The following DMRT1 variants were observed in gnomAD, a reference collection of about 807,000 sequenced individuals.
DMRT1 encodes the protein doublesex and mab-3 related transcription factor 1, also known as doublesex- and mab-3-related transcription factor 1.
In DMRT1, 7 loss-of-function variants were observed where a neutral mutation model predicts 32.3. That is an observed-to-expected ratio of 0.22 (90% CI 0.12 to 0.41). The LOEUF is 0.41. Among genes scored for constraint, DMRT1 ranks in the 10% least tolerant of loss-of-function variants. The pLI, the probability that DMRT1 is intolerant of heterozygous loss-of-function variation, is 1.00. For synonymous variants in DMRT1, 278 were observed against 206.1 expected (o/e 1.35, Z -2.99); for missense variants, 625 against 500.5 (o/e 1.25, Z -2.37).
At chr9:844,719 CTTTTTT>C (rs35980858) in intron 1 of DMRT1, among the ~76,000 whole-genome samples, 1 of 116,894 alleles carries the variant, frequency 8.6e-6, no homozygotes, top group Non-Finnish European at 1.7e-5. Flanking sequence ...TTCTTTCTTT[CTTTTTT>C]TTTTTTTTTT....
At chr9:911,596 G>A (rs1450228931) in intron 3 of DMRT1, among the ~76,000 whole-genome samples, 7 of 142,534 alleles carry the variant, frequency 4.9e-5, no homozygotes, top group Middle Eastern at 4.0e-3. Flanking sequence ...GGGTTCAAGC[G>A]ATTCTCCTGC....
chr9:925,753 T>G (rs1025010405), intron 4 of DMRT1, among the ~76,000 whole-genome samples: 1 of 152,204 alleles, frequency 6.6e-6, no homozygotes, highest in South Asian at 2.1e-4. Context: ...TTTAATTATC[T>G]GGATAATGCT....
intron 4 of DMRT1, among the ~76,000 whole-genome samples, chr9:921,670 C>T (rs66623287): frequency 0.21 from 32,009 of 152,032 alleles, 4,715 homozygotes; most frequent in African/African-American, 0.42. Context: ...TTTAAAAAAA[C>T]AGTTTCCAGC....
intron 4 of DMRT1, among the ~76,000 whole-genome samples, chr9:945,655 A>AT (rs926089545): frequency 6.1e-5 from 9 of 148,718 alleles, no homozygotes; most frequent in East Asian, 2.0e-4. Context: ...AGACAGCTTT[A>AT]TTTTTTTTTC....
rs935038252 is a variant in DMRT1, at chr9:891,644, A to T, written c.539-2268A>T. Among the ~76,000 whole-genome samples the T allele has an allele frequency of 4.6e-5, 7 of 150,906 alleles. No individual in the cohort carries two copies. The East Asian group carries it at 1.2e-3, about 25-fold the overall frequency. On this transcript the variant is annotated intron_variant, in intron 2 of 4. Transcript: ENST00000382276. Reference sequence around the variant, plus strand: ...ATTCTCCTGCCTCAGCCTCCCAAGTAGCTGGGACTGCAAGCATACGCCACC... The same window carrying T: ...ATTCTCCTGCCTCAGCCTCCCAAGTTGCTGGGACTGCAAGCATACGCCACC...
chr9:875,061 C>T (rs1816439463), intron 2 of DMRT1, among the ~76,000 whole-genome samples: 1 of 152,060 alleles, frequency 6.6e-6, no homozygotes, highest in Non-Finnish European at 1.5e-5. Flanking sequence ...CCACCCACCT[C>T]AGCCTCCCAA....
At position 965,994 on chromosome 9, in the gene DMRT1, G is replaced by T. The variant is rs985660442; in HGVS notation, c.968-1991G>T. Among the ~76,000 whole-genome samples the T allele has an allele frequency of 6.6e-6, 1 of 152,144 alleles. No individual in the cohort carries two copies. The highest frequency in any genetic ancestry group is 2.4e-5 in the African/African-American group (1 of 41,424). Reference sequence around the variant, plus strand: ...TGTTCTTCTCCATAGCTTCTATACAGAGAAACTTCTGTCACTGGTTGGGGG... The same window carrying T: ...TGTTCTTCTCCATAGCTTCTATACATAGAAACTTCTGTCACTGGTTGGGGG... On this transcript the variant is annotated intron_variant, in intron 4 of 4. Transcript: ENST00000382276. This position sits in a 1 kb window ranked among gnomAD's most constrained non-coding sequence, Gnocchi z 4.5.
intron 2 of DMRT1, among the ~76,000 whole-genome samples, chr9:851,220 G>T (rs188709202): frequency 3.3e-5 from 5 of 151,940 alleles, no homozygotes; most frequent in African/African-American, 1.2e-4. Context: ...GTAGCTTAGT[G>T]AAATTTAGTC....
chr9:956,449 A>G (rs986797243), intron 4 of DMRT1, among the ~76,000 whole-genome samples: 58 of 152,164 alleles, frequency 3.8e-4, no homozygotes, highest in African/African-American at 1.4e-3. Flanking sequence ...CGGTAATCCC[A>G]GCACTTTGGG....
chr9:967,318 G>A (rs1340927736), intron 4 of DMRT1, among the ~76,000 whole-genome samples: 1 of 152,092 alleles, frequency 6.6e-6, no homozygotes. Context: ...GTTTTCCAGT[G>A]GAGTTTTATG....
chr9:908,175 G>A (rs559221119), intron 3 of DMRT1, among the ~76,000 whole-genome samples: 4 of 152,170 alleles, frequency 2.6e-5, no homozygotes. Flanking sequence ...GTTGTGGGCT[G>A]GGCATGGTGG....
At chr9:871,499 A>ATTT (rs56390211) in intron 2 of DMRT1, among the ~76,000 whole-genome samples, 1 of 115,094 alleles carries the variant, frequency 8.7e-6, no homozygotes, top group Non-Finnish European at 1.7e-5. Context: ...CGCCCGGCTA[A>ATTT]TTTTTTTTTT....
intron 1 of DMRT1, among the ~76,000 whole-genome samples, chr9:845,303 G>A (rs1838860177): frequency 6.6e-6 from 1 of 151,958 alleles, no homozygotes; most frequent in Non-Finnish European, 1.5e-5. Context: ...TCCACCTCCT[G>A]GCTTCAAGTA....
At chr9:878,808 T>A (rs1372617474) in intron 2 of DMRT1, among the ~76,000 whole-genome samples, 2 of 152,214 alleles carry the variant, frequency 1.3e-5, no homozygotes, top group African/African-American at 4.8e-5. Context: ...TAAGTACATG[T>A]CTTCTCTCAT....
chr9:957,007 T>C (rs1586663665), intron 4 of DMRT1, among the ~76,000 whole-genome samples: 1 of 152,234 alleles, frequency 6.6e-6, no homozygotes, highest in Non-Finnish European at 1.5e-5. Flanking sequence ...TACGTCAGCA[T>C]ATTGCATGAA....
intron 4 of DMRT1, among the ~76,000 whole-genome samples, chr9:942,194 C>A (rs532254187): frequency 1.3e-3 from 195 of 152,240 alleles, no homozygotes; most frequent in African/African-American, 4.7e-3. Context: ...TTTTCTGTTT[C>A]TTTTATGGTA....
intron 4 of DMRT1, among the ~76,000 whole-genome samples, chr9:928,591 C>A (rs1017905290): frequency 2.0e-5 from 3 of 152,142 alleles, no homozygotes; most frequent in Admixed American, 1.3e-4. Flanking sequence ...AGTAGAGGAG[C>A]CAGAAGCTTT....
chr9:862,929 C>G (rs1359216547), intron 2 of DMRT1, among the ~76,000 whole-genome samples: 4 of 152,022 alleles, frequency 2.6e-5, no homozygotes, highest in African/African-American at 7.2e-5. Flanking sequence ...GCAGAAGGGA[C>G]TTTGCAAATG....
intron 1 of DMRT1, among the ~76,000 whole-genome samples, chr9:845,583 C>G (rs1390462929): frequency 6.6e-6 from 1 of 152,050 alleles, no homozygotes; most frequent in East Asian, 1.9e-4. Context: ...CTTTCCAGTC[C>G]CCAGTTCTGG....
Sources: gnomAD v4.1 joint callset for allele counts (sites outside exome capture counted in the v4.1 genomes callset) on GRCh38, gnomAD v4.1.1 for gene constraint, Gnocchi (gnomAD v3.1) non-coding constraint, MANE v1.5 for transcripts, NCBI Gene and HGNC (gene_info 2026-07-23, HGNC 2026-07-21) for gene names.